SERF1B: variants seen among roughly 807,000 people sequenced by gnomAD.
SERF1B encodes small EDRK-rich factor 1B, also known as small EDRK-rich factor 1.
At chr5:70,036,656 C>CTCTCTCTCTT (rs1382517916) in intron 2 of SERF1B, among the ~76,000 whole-genome samples, 2 of 150,636 alleles carry the variant, frequency 1.3e-5, no homozygotes, top group African/African-American at 4.9e-5. Context: ...CTCTCTCTCT[C>CTCTCTCTCTT]TCTCTCTCAA....
intron 2 of SERF1B, among the ~76,000 whole-genome samples, chr5:70,036,627 A>ACTCTCTCT (rs1190752176): frequency 7.6e-3 from 381 of 49,880 alleles, no homozygotes; most frequent in African/African-American, 0.018. Flanking sequence ...ACACACACAC[A>ACTCTCTCT]CACTCTCTCT....
chr5:70,029,402 C>T (rs1580714689), intron 2 of SERF1B, among the ~76,000 whole-genome samples: 1 of 150,242 alleles, frequency 6.7e-6, no homozygotes, highest in African/African-American at 2.5e-5. Context: ...TCCCAAAGTG[C>T]TGGGATTACA....
chr5:70,038,467 G>A (rs1343918375), intron 2 of SERF1B, among the ~76,000 whole-genome samples: 6 of 68,704 alleles, frequency 8.7e-5, no homozygotes, highest in Non-Finnish European at 1.1e-4. Context: ...AACATTAGCC[G>A]GGCATGGTGG....
intron 2 of SERF1B, among the ~76,000 whole-genome samples, chr5:70,029,442 AC>A (rs1774117377): frequency 7.4e-6 from 1 of 134,428 alleles, no homozygotes; most frequent in Non-Finnish European, 1.6e-5. Flanking sequence ...GCCCAGTTAT[AC>A]CTTTTTTTTT....
intron 2 of SERF1B, among the ~76,000 whole-genome samples, chr5:70,036,293 A>C (rs1158918959): frequency 2.3e-5 from 1 of 42,586 alleles, no homozygotes; most frequent in Admixed American, 2.4e-4. Flanking sequence ...AAACTTAAAA[A>C]ATTTTTATAT....
intron 2 of SERF1B, among the ~76,000 whole-genome samples, chr5:70,029,259 C>G (rs1278758552): frequency 6.6e-6 from 1 of 151,788 alleles, no homozygotes; most frequent in Non-Finnish European, 1.5e-5. Flanking sequence ...CGTCAGCAAT[C>G]CAAGTAGCTG....
At chr5:70,028,864 C>T (rs1294067757) in intron 2 of SERF1B, among the ~76,000 whole-genome samples, 1 of 148,546 alleles carries the variant, frequency 6.7e-6, no homozygotes, top group Non-Finnish European at 1.5e-5. Flanking sequence ...GTAGTCCCAG[C>T]TACTCGGGAG....
chr5:70,036,645 T>C (rs1774193318), intron 2 of SERF1B, among the ~76,000 whole-genome samples: 2 of 150,632 alleles, frequency 1.3e-5, no homozygotes, highest in South Asian at 4.2e-4. Context: ...TCTCTCTCTC[T>C]CTCTCTCTCT....
chr5:70,036,625 A>ACTCTCT (rs1217735761), intron 2 of SERF1B, among the ~76,000 whole-genome samples: 241 of 50,598 alleles, frequency 4.8e-3, no homozygotes, highest in Non-Finnish European at 7.2e-3. Flanking sequence ...ACACACACAC[A>ACTCTCT]CACACTCTCT....
At chr5:70,029,385 C>T (rs1269211171) in intron 2 of SERF1B, among the ~76,000 whole-genome samples, 1 of 151,128 alleles carries the variant, frequency 6.6e-6, no homozygotes, top group Non-Finnish European at 1.5e-5. Flanking sequence ...ATCCACCCGC[C>T]TCGGCCTCCC....
intron 2 of SERF1B, among the ~76,000 whole-genome samples, chr5:70,029,528 A>G (rs1346770460): frequency 6.8e-6 from 1 of 147,122 alleles, no homozygotes; most frequent in African/African-American, 2.5e-5. Context: ...TTTGTTACAT[A>G]GATATACATG....
At chr5:70,040,962 C>T (rs1388863189) in intron 2 of SERF1B, among the ~76,000 whole-genome samples, 1 of 151,536 alleles carries the variant, frequency 6.6e-6, no homozygotes, top group African/African-American at 2.4e-5. Flanking sequence ...ATAATGCTAC[C>T]GTAACATTTT....
At chr5:70,036,629 A>T (rs78392662) in intron 2 of SERF1B, among the ~76,000 whole-genome samples, 4,835 of 50,554 alleles carry the variant, frequency 0.096, 116 homozygotes, top group Admixed American at 0.15. Context: ...ACACACACAC[A>T]CTCTCTCTCT....
intron 2 of SERF1B, among the ~76,000 whole-genome samples, chr5:70,029,566 A>G (rs1328287838): frequency 6.9e-6 from 1 of 145,418 alleles, no homozygotes; most frequent in Non-Finnish European, 1.5e-5. Context: ...GCACCCATCA[A>G]CTCATCATTT....
At chr5:70,036,629 A>ACACACACC (rs763495681) in intron 2 of SERF1B, among the ~76,000 whole-genome samples, 1 of 49,838 alleles carries the variant, frequency 2.0e-5, no homozygotes, top group African/African-American at 6.7e-5. Flanking sequence ...ACACACACAC[A>ACACACACC]CTCTCTCTCT....
At chr5:70,029,206 G>A (rs1255032769) in intron 2 of SERF1B, among the ~76,000 whole-genome samples, 1 of 151,534 alleles carries the variant, frequency 6.6e-6, no homozygotes, top group Non-Finnish European at 1.5e-5. Context: ...CGTGATCTCG[G>A]CTCACTGCAA....
intron 2 of SERF1B, among the ~76,000 whole-genome samples, chr5:70,036,635 T>A (rs1418279588): frequency 1.9e-4 from 28 of 149,272 alleles, no homozygotes; most frequent in Admixed American, 3.3e-4. Flanking sequence ...ACACACTCTC[T>A]CTCTCTCTCT....
intron 2 of SERF1B, among the ~76,000 whole-genome samples, 163 bp from the exon 3 acceptor site, chr5:70,041,361 C>T (rs1436285734): frequency 6.7e-6 from 1 of 150,280 alleles, no homozygotes; most frequent in Non-Finnish European, 1.5e-5. Flanking sequence ...CCTGAACTAA[C>T]CAATGTTAAT....
At chr5:70,037,652 GAAAT>G (rs1337189388) in intron 2 of SERF1B, among the ~76,000 whole-genome samples, 5 of 139,134 alleles carry the variant, frequency 3.6e-5, no homozygotes, top group Non-Finnish European at 6.1e-5. Context: ...TCATCTCAAA[GAAAT>G]AAATAAATAA....
Sources: gnomAD v4.1 joint callset for allele counts (sites outside exome capture counted in the v4.1 genomes callset) on GRCh38, gnomAD v4.1.1 for gene constraint, MANE v1.5 for transcripts, NCBI Gene and HGNC (gene_info 2026-07-23, HGNC 2026-07-21) for gene names.